The following TRABD2B variants were observed in gnomAD, a reference collection of about 807,000 sequenced individuals.
TRABD2B encodes the protein TraB domain containing 2B.
In TRABD2B, 14 loss-of-function variants were observed where a neutral mutation model predicts 40.1. The observed-to-expected ratio is 0.35, with a 90% CI of 0.23 to 0.55. The LOEUF (loss-of-function observed/expected upper bound fraction) is 0.55, where lower values mean the gene tolerates loss of function less well. Among genes scored for constraint, TRABD2B ranks in the 20% least tolerant of loss-of-function variants. The probability of loss-of-function intolerance (pLI) is 0.90; values close to 1 mark genes in which losing one functional copy is unlikely to be tolerated. For missense variants in TRABD2B, 541 were observed against 648.6 expected (o/e 0.83, Z 1.80); for synonymous variants, 263 against 277.0 (o/e 0.95, Z 0.50).
intron 2 of TRABD2B, among the ~76,000 whole-genome samples, chr1:47,960,285 T>C (rs974063089): frequency 1.3e-5 from 2 of 152,244 alleles, no homozygotes; most frequent in African/African-American, 4.8e-5. Context: ...ACTGGAAGCA[T>C]TCCCTTTGAA....
At chr1:47,877,628 C>G (rs1370075210) in intron 2 of TRABD2B, among the ~76,000 whole-genome samples, 1 of 152,124 alleles carries the variant, frequency 6.6e-6, no homozygotes, top group Admixed American at 6.5e-5. Flanking sequence ...GAAAAACACA[C>G]TTTGGAGGCA....
intron 2 of TRABD2B, among the ~76,000 whole-genome samples, chr1:47,868,683 C>A (rs1182714311): frequency 1.3e-5 from 2 of 152,110 alleles, no homozygotes; most frequent in Non-Finnish European, 2.9e-5. Flanking sequence ...TCCCCTCCAC[C>A]CTCCTCACCC....
rs956693271 is a variant in TRABD2B, at chr1:47,775,146, G to A, written c.1349+24C>T. On this transcript the variant is annotated intron_variant, in intron 6 of 6. Transcript: ENST00000606738. Reference sequence around the variant, plus strand: ...CCGGGTGCAGACGCCCAGCTCCTGGGCAGACCTGCCCTCCCTGGCTCACCT... The same window carrying A: ...CCGGGTGCAGACGCCCAGCTCCTGGACAGACCTGCCCTCCCTGGCTCACCT... The A allele has an allele frequency of 1.4e-5, 17 of 1,233,108 alleles. No homozygotes were observed. In the South Asian group the frequency reaches 1.6e-4, roughly 12 times the overall value. The allele number at this position is 1,233,108 out of a possible 1,614,324, so 76.4% of individuals were successfully genotyped here.
At chr1:47,971,209 G>A (rs1240522686) in intron 2 of TRABD2B, among the ~76,000 whole-genome samples, 1 of 152,162 alleles carries the variant, frequency 6.6e-6, no homozygotes, top group Non-Finnish European at 1.5e-5. Flanking sequence ...TTCATTCAGT[G>A]CACATAAGCT....
At chr1:47,977,988 G>T (rs891681108) in intron 2 of TRABD2B, among the ~76,000 whole-genome samples, 9 of 151,900 alleles carry the variant, frequency 5.9e-5, no homozygotes, top group African/African-American at 1.9e-4. Flanking sequence ...CATCCATCTG[G>T]TATGCTCTAA....
rs1370141421 is a variant in TRABD2B, at chr1:47,761,033, C to G, written c.*4869G>C. On this transcript the variant is annotated 3_prime_UTR_variant, in exon 7 of 7. Coordinates refer to ENST00000606738, the MANE Select transcript of TRABD2B (RefSeq NM_001194986.2). ...TCAATCCCATGGCAGCCTGTGGGTC[C>G]TGGGAAGAAAGCCAAGCACCTCATC... 1 of 152,286 alleles carries G rather than the reference C, an allele frequency of 6.6e-6. No individual in the cohort carries two copies. The highest frequency in any genetic ancestry group is 1.5e-5 in the Non-Finnish European group (1 of 68,100). The allele number at this position is 152,286 out of a possible 1,614,324, so 9.4% of individuals were successfully genotyped here.
chr1:47,849,743 A>G (rs980892504), intron 2 of TRABD2B, among the ~76,000 whole-genome samples: 2 of 152,090 alleles, frequency 1.3e-5, no homozygotes, highest in Non-Finnish European at 2.9e-5. Context: ...GGGGTGCGGG[A>G]GGGAGGACAG....
Position 47,978,727 on chromosome 1 carries a change from G to A in TRABD2B, c.666+15307C>T, listed in dbSNP as rs539560032. ...TCATAAACAAATCAGCTTGGGTGCCGTCAGAGCTGACGCCACTTCACACTG... is the reference window on the plus strand; with the variant it reads ...TCATAAACAAATCAGCTTGGGTGCCATCAGAGCTGACGCCACTTCACACTG... On this transcript the variant is annotated intron_variant, in intron 2 of 6. Transcript: ENST00000606738. Among the ~76,000 whole-genome samples, 6 of 152,288 alleles carry A rather than the reference G, an allele frequency of 3.9e-5. No homozygotes were observed. The East Asian group carries it at 7.7e-4, about 20-fold the overall frequency.
At chr1:47,903,771 G>A (rs1022512946) in intron 2 of TRABD2B, among the ~76,000 whole-genome samples, 2 of 152,174 alleles carry the variant, frequency 1.3e-5, no homozygotes, top group African/African-American at 4.8e-5. Flanking sequence ...TACCATAAAT[G>A]AGAATGGCTG....
chr1:47,846,894 A>ACACACACACACACACGCG (rs1439715341), intron 2 of TRABD2B, among the ~76,000 whole-genome samples: 1 of 145,704 alleles, frequency 6.9e-6, no homozygotes, highest in Non-Finnish European at 1.5e-5. Flanking sequence ...ACACACACAC[A>ACACACACACACACACGCG]CAAATGAGGG....
intron 2 of TRABD2B, among the ~76,000 whole-genome samples, chr1:47,893,953 A>C (rs975297407): frequency 1.3e-5 from 2 of 151,852 alleles, no homozygotes; most frequent in Non-Finnish European, 2.9e-5. Context: ...TTATCCCGAA[A>C]CCCCCAAATA....
At chr1:47,949,344 C>A (rs1645305878) in intron 2 of TRABD2B, among the ~76,000 whole-genome samples, 1 of 151,706 alleles carries the variant, frequency 6.6e-6, no homozygotes, top group African/African-American at 2.4e-5. Context: ...CACTTCCCTG[C>A]CCAACTCTAT....
intron 2 of TRABD2B, among the ~76,000 whole-genome samples, chr1:47,906,647 G>A (rs1252481653): frequency 2.0e-5 from 3 of 152,208 alleles, no homozygotes; most frequent in Non-Finnish European, 4.4e-5. Flanking sequence ...GTAGCAGCCT[G>A]GCTGGAGGCT....
intron 2 of TRABD2B, among the ~76,000 whole-genome samples, chr1:47,967,574 G>A (rs1276753382): frequency 6.6e-6 from 1 of 152,166 alleles, no homozygotes; most frequent in Non-Finnish European, 1.5e-5. Flanking sequence ...GCTCACAAAA[G>A]ATTAAAAACA....
chr1:47,838,161 C>G (rs1570090897), intron 2 of TRABD2B, among the ~76,000 whole-genome samples: 1 of 152,256 alleles, frequency 6.6e-6, no homozygotes, highest in East Asian at 1.9e-4. Context: ...CCCTCTCACC[C>G]TACCCCACTT....
intron 2 of TRABD2B, among the ~76,000 whole-genome samples, chr1:47,967,929 G>A (rs916483286): frequency 7.9e-5 from 12 of 152,300 alleles, no homozygotes; most frequent in East Asian, 1.9e-4. Flanking sequence ...AATTCATTTC[G>A]GTGGAAGACT....
At chr1:47,979,073 T>A (rs1319044843) in intron 2 of TRABD2B, among the ~76,000 whole-genome samples, 1 of 151,854 alleles carries the variant, frequency 6.6e-6, no homozygotes, top group African/African-American at 2.4e-5. Context: ...CTGAGAAGGC[T>A]CTCAGTGGTC....
At chr1:47,796,635 T>C (rs1428322739) in intron 3 of TRABD2B, among the ~76,000 whole-genome samples, 2 of 152,250 alleles carry the variant, frequency 1.3e-5, no homozygotes, top group African/African-American at 2.4e-5. Flanking sequence ...GGGGCTTCTC[T>C]GCCAGAAAGG....
intron 2 of TRABD2B, among the ~76,000 whole-genome samples, chr1:47,963,409 C>T (rs1300142767): frequency 6.6e-6 from 1 of 152,196 alleles, no homozygotes; most frequent in South Asian, 2.1e-4. Flanking sequence ...AGGGCATTTT[C>T]CCACTGCCAG....
Sources: allele counts gnomAD v4.1 joint callset (sites outside exome capture counted in the v4.1 genomes callset), GRCh38; gene constraint gnomAD v4.1.1; transcripts MANE v1.5; gene names NCBI Gene and HGNC (gene_info 2026-07-23, HGNC 2026-07-21).